The following BLOC1S1 variants were observed in gnomAD, a reference collection of about 807,000 sequenced individuals.
BLOC1S1 encodes biogenesis of lysosomal organelles complex 1 subunit 1, also known as biogenesis of lysosome-related organelles complex 1 subunit 1.
In BLOC1S1, 11 loss-of-function variants were observed where a neutral mutation model predicts 19.0. The ratio of observed to expected loss-of-function variants is 0.58; its 90% CI spans 0.37 to 0.96. The LOEUF (loss-of-function observed/expected upper bound fraction) is 0.96. BLOC1S1 is among the 40% of genes least tolerant of loss of function. BLOC1S1 has a pLI of 0.01. For synonymous variants in BLOC1S1, 94 were observed against 76.4 expected, an observed-to-expected ratio of 1.23 and a Z score of -1.20; for missense variants, 220 against 195.9, an observed-to-expected ratio of 1.12 and a Z score of -0.73.
At position 55,716,943 on chromosome 12, in the gene BLOC1S1, G is replaced by A. The variant is rs1405332019; in HGVS notation, c.156G>A (p.Arg52=). The change falls in exon 2 of 4, where the codon AGG becomes AGA. Residue 52 remains arginine, a synonymous_variant. Coordinates refer to ENST00000548925, the MANE Select transcript of BLOC1S1 (RefSeq NM_001487.4). The part of the protein sequence containing the change: ...NERKELQEKR[R]REAITAATCL... ...TCCCCCTCTCCCCAGAAAAGAGGAG[G>A]CGAGAGGCTATCACTGCAGCGACCT... 8 of 1,590,222 alleles carry A rather than the reference G, an allele frequency of 5.0e-6. No individual in the cohort carries two copies. Among genetic ancestry groups the A allele is most frequent in the Non-Finnish European group, 5.1e-6 (6 of 1,170,132 alleles).
chr12:55,716,526 A>G, intron 1 of BLOC1S1: 1 of 1,240,586 alleles, frequency 8.1e-7, no homozygotes, highest in Non-Finnish European at 1.0e-6. Flanking sequence ...CTCTGGAGGG[A>G]GGAGGGTGTG....
chr12:55,716,815 G>A (rs1328562905), intron 1 of BLOC1S1, 118 bp from the exon 2 acceptor site: 1 of 1,283,302 alleles, frequency 7.8e-7, no homozygotes, highest in Non-Finnish European at 1.1e-6. Flanking sequence ...CCGGCATTCA[G>A]AGATTAGTTA....
intron 2 of BLOC1S1, among the ~76,000 whole-genome samples, chr12:55,718,244 G>C (rs768618989): frequency 6.6e-6 from 1 of 152,080 alleles, no homozygotes; most frequent in Non-Finnish European, 1.5e-5. Flanking sequence ...CCCCTTCCCC[G>C]CTCCAGCCCC....
chr12:55,718,321 A>G (rs1303587762), intron 2 of BLOC1S1, among the ~76,000 whole-genome samples: 1 of 152,156 alleles, frequency 6.6e-6, no homozygotes, highest in Non-Finnish European at 1.5e-5. Flanking sequence ...CTGGGGTGGG[A>G]AGTGAAAAAT....
intron 2 of BLOC1S1, among the ~76,000 whole-genome samples, chr12:55,718,130 G>T (rs893232675): frequency 6.6e-6 from 1 of 152,202 alleles, no homozygotes; most frequent in Non-Finnish European, 1.5e-5. Flanking sequence ...AAAGGGTTTT[G>T]TGTTGCTGCC....
At position 55,719,346 on chromosome 12, in the gene BLOC1S1, C is replaced by T. The variant is rs773893509; in HGVS notation, c.351+123C>T. Reference sequence around the variant, plus strand: ...GGTCCCAGAAACCCCATCTATAGCCCCAGTGTCAGAAAAGGTAGAGAAAGA... The same window carrying T: ...GGTCCCAGAAACCCCATCTATAGCCTCAGTGTCAGAAAAGGTAGAGAAAGA... On this transcript the variant is annotated intron_variant, in intron 3 of 3. Coordinates refer to ENST00000548925, the MANE Select transcript of BLOC1S1 (RefSeq NM_001487.4). The T allele has an allele frequency of 3.3e-6, 5 of 1,522,042 alleles. No individual in the cohort carries two copies. In the East Asian group the frequency reaches 1.1e-4, roughly 35 times the overall value. 94.3% of individuals were successfully genotyped at this position (1,522,042 alleles called of 1,614,324 possible). A position where few individuals can be genotyped will look rare whatever the true frequency, so the allele number is the denominator to read the frequency against.
chr12:55,716,400 G>C, intron 1 of BLOC1S1: 4 of 1,395,720 alleles, frequency 2.9e-6, no homozygotes, highest in Middle Eastern at 2.6e-4. Flanking sequence ...CAATACTCCG[G>C]TCCCCTCGGC....
intron 3 of BLOC1S1, 95 bp downstream of exon 3, chr12:55,719,318 G>C (rs1876796937): frequency 1.9e-6 from 3 of 1,593,710 alleles, no homozygotes; most frequent in African/African-American, 2.7e-5. Flanking sequence ...GAGGAAGTAG[G>C]GTGGTCCCAG....
chr12:55,716,151 C>T lies in BLOC1S1; in HGVS notation c.100C>T (p.Leu34=). 10 of 1,612,510 alleles carry T rather than the reference C, an allele frequency of 6.2e-6. No individual in the cohort carries two copies. Among genetic ancestry groups the T allele is most frequent in the Non-Finnish European group, 8.5e-6 (10 of 1,179,268 alleles). ...CGACGTGACCATGCTGTCCCGCCTC[C>T]TAAAAGAACACCAGGCCAAGCAGAA... ...QPDVTMLSRL[L]KEHQAKQNER... Residue 34 remains leucine, a synonymous_variant, in exon 1 of 4, where the codon CTA becomes TTA. Coordinates refer to ENST00000548925, the MANE Select transcript of BLOC1S1 (RefSeq NM_001487.4).
At chr12:55,716,277 C>A (rs1429687113) in intron 1 of BLOC1S1, 81 bp downstream of exon 1, 2 of 1,532,270 alleles carry the variant, frequency 1.3e-6, no homozygotes, top group Admixed American at 2.3e-5. Flanking sequence ...GAGTAACTAA[C>A]CATATCCAGG....
At position 55,719,471 on chromosome 12, in the gene BLOC1S1, G is replaced by A. The variant is rs759833804; in HGVS notation, c.352-28G>A. 4.4e-6 allele frequency: 7 copies of A among 1,602,112 alleles called. No individual in the cohort carries two copies. The South Asian group carries it at 5.5e-5, about 13-fold the overall frequency. ...CATACTCTACCCATTCTGATTCCTG[G>A]GCTCCCACCTCCTCTCCCCCTTCCC... On this transcript the variant is annotated intron_variant, in intron 3 of 3. Transcript: ENST00000548925.
intron 2 of BLOC1S1, 21 bp downstream of exon 2, chr12:55,717,026 TCA>T (rs1876609176): frequency 6.4e-7 from 1 of 1,553,238 alleles, no homozygotes; most frequent in East Asian, 2.5e-5. Context: ...CTTATCAACA[TCA>T]GTTTCCTCCT....
chr12:55,717,916 C>A (rs1876697394), intron 2 of BLOC1S1, among the ~76,000 whole-genome samples: 1 of 152,176 alleles, frequency 6.6e-6, no homozygotes, highest in Admixed American at 6.5e-5. Context: ...CAGTTCCTAC[C>A]CGACCCTTGA....
Position 55,716,922 on chromosome 12 carries a change from C to T in BLOC1S1, c.146-11C>T, listed in dbSNP as rs767324961. ...AGTCTCCCCTCCAATTCCTTTTCCCCCTCTCCCCAGAAAAGAGGAGGCGAG... is the reference window on the plus strand; with the variant it reads ...AGTCTCCCCTCCAATTCCTTTTCCCTCTCTCCCCAGAAAAGAGGAGGCGAG... On this transcript the variant is annotated splice_polypyrimidine_tract_variant and intron_variant, in intron 1 of 3. Transcript: ENST00000548925. The T allele has an allele frequency of 3.8e-6, 6 of 1,580,316 alleles. No homozygotes were observed. The Admixed American group carries it at 5.7e-5, about 15-fold the overall frequency.
rs888008393 is a variant in BLOC1S1 at position 55,718,959 on chromosome 12, A to G, written c.219-132A>G. ...TTTGCATGTACTGGTAGTCATTTGC[A>G]TCACATCCAAAAATGGCCAAAATTA... On this transcript the variant is annotated intron_variant, in intron 2 of 3. Coordinates refer to ENST00000548925, the MANE Select transcript of BLOC1S1 (RefSeq NM_001487.4). 7.8e-5 allele frequency: 90 copies of G among 1,156,734 alleles called. No homozygotes were observed. The East Asian group carries it at 2.1e-3, about 27-fold the overall frequency. The allele number at this position is 1,156,734 out of a possible 1,614,324, so 71.7% of individuals were successfully genotyped here.
rs772139870 is a variant in BLOC1S1, at chr12:55,719,214, G to C, written c.342G>C (p.Gln114His). The part of the protein sequence containing the change: ...QWIGMVENFN[Q>H]ALKEIGDVEN... ...TCGGAATGGTGGAGAACTTCAACCA[G>C]GCACTCAAGGTGGGCCATACTCCCT... is the stretch of plus-strand genomic sequence containing the variant. The change falls in exon 3 of 4, where the codon CAG (glutamine) becomes CAC (histidine). Residue 114 changes from glutamine to histidine, a missense_variant. Gln to His is a conservative substitution (Grantham distance 24). Coordinates refer to ENST00000548925, the MANE Select transcript of BLOC1S1 (RefSeq NM_001487.4). 6.2e-7 allele frequency: 1 copy of C among 1,613,976 alleles called. No homozygotes were observed. Among genetic ancestry groups the C allele is most frequent in the Admixed American group, 1.7e-5 (1 of 60,002 alleles).
chr12:55,716,624 C>G, intron 1 of BLOC1S1: 3 of 1,237,272 alleles, frequency 2.4e-6, no homozygotes, highest in Non-Finnish European at 3.0e-6. Context: ...GGCTGGAAAT[C>G]TCGGAGTTAC....
Position 55,716,210 on chromosome 12 carries a change from C to T in BLOC1S1, c.145+14C>T. The T allele has an allele frequency of 1.2e-6, 2 of 1,600,078 alleles. No homozygotes were observed. Among genetic ancestry groups the T allele is most frequent in the South Asian group, 2.2e-5 (2 of 89,144 alleles). ...AGGAGCTGCAGGGTGAGCCAAATAT[C>T]CTGTCGGCCGTTTTCTCTTCGGCCG... On this transcript the variant is annotated intron_variant, in intron 1 of 3. Coordinates refer to ENST00000548925, the MANE Select transcript of BLOC1S1 (RefSeq NM_001487.4).
chr12:55,719,413 A>T (rs1876805226), intron 3 of BLOC1S1, 86 bp from the exon 4 acceptor site: 2 of 1,463,424 alleles, frequency 1.4e-6, no homozygotes, highest in African/African-American at 2.8e-5. Flanking sequence ...CTTTTCCAGG[A>T]GATGAATAAA....
Sources: allele counts gnomAD v4.1 joint callset (sites outside exome capture counted in the v4.1 genomes callset), GRCh38; gene constraint gnomAD v4.1.1; transcripts MANE v1.5; gene names NCBI Gene and HGNC (gene_info 2026-07-23, HGNC 2026-07-21).